RELN: variants seen among roughly 807,000 people sequenced by gnomAD.
The protein encoded by RELN is reelin.
Under a neutral mutation model 427.6 loss-of-function variants are expected in RELN, and 108 were observed. The observed-to-expected ratio is 0.25, with a 90% CI of 0.22 to 0.30. The LOEUF (loss-of-function observed/expected upper bound fraction) is 0.30. Among genes scored for constraint, RELN ranks in the 10% least tolerant of loss-of-function variants. The pLI, the probability that RELN is intolerant of heterozygous loss-of-function variation, is 1.00. For missense variants in RELN, 3,715 were observed against 4,302.8 expected, an observed-to-expected ratio of 0.86 and a Z score of 3.82; for synonymous variants, 1,524 against 1,513.4, an observed-to-expected ratio of 1.01 and a Z score of -0.16.
chr7:103,853,140 C>T (rs1028314434), intron 2 of RELN, among the ~76,000 whole-genome samples: 20 of 151,662 alleles, frequency 1.3e-4, no homozygotes, highest in Admixed American at 3.3e-4. Context: ...AAATAGATTG[C>T]GGGGAAAATA....
Position 103,911,555 on chromosome 7 carries a change from G to A in RELN, c.337+5520C>T, listed in dbSNP as rs1341702637. 9.5e-3 allele frequency among the ~76,000 whole-genome samples: 1,420 copies of A among 150,034 alleles called. 20 individuals carry two copies. Among genetic ancestry groups the A allele is most frequent in the African/African-American group, 0.032 (1,309 of 40,448 alleles). ...TGCTGCTATAAAGACACATGCACAC[G>A]TATGTTTATTGCGGCATTATTCACA... On this transcript the variant is annotated intron_variant, in intron 2 of 64. Coordinates refer to ENST00000428762, the MANE Select transcript of RELN (RefSeq NM_005045.4).
chr7:103,613,975 A>C (rs1163905637), intron 20 of RELN, among the ~76,000 whole-genome samples: 1 of 152,202 alleles, frequency 6.6e-6, no homozygotes, highest in Non-Finnish European at 1.5e-5. Flanking sequence ...TATTGCCTGC[A>C]CCTAATGTTT....
intron 2 of RELN, among the ~76,000 whole-genome samples, chr7:103,851,202 G>A (rs1451077030): frequency 6.6e-6 from 1 of 152,178 alleles, no homozygotes; most frequent in Non-Finnish European, 1.5e-5. Context: ...GGTGAGGTTG[G>A]AAACTATTAT....
At chr7:103,562,003 C>A (rs1230367484) in intron 34 of RELN, 50 bp from the exon 35 acceptor site, 3 of 1,579,420 alleles carry the variant, frequency 1.9e-6, no homozygotes, top group Admixed American at 3.6e-5. Flanking sequence ...GACAAGCAAC[C>A]TTGAAAGCAC....
intron 46 of RELN, among the ~76,000 whole-genome samples, chr7:103,527,360 G>A (rs969336869): frequency 5.6e-4 from 85 of 152,214 alleles, no homozygotes; most frequent in African/African-American, 2.0e-3. Context: ...CCATTCTACC[G>A]AAGACGACGA....
At chr7:103,599,863 C>T (rs748376176) in intron 24 of RELN, among the ~76,000 whole-genome samples, 5 of 151,964 alleles carry the variant, frequency 3.3e-5, no homozygotes, top group African/African-American at 4.8e-5. Context: ...TATTTGTGAT[C>T]GGATAGGGAA....
chr7:103,715,607 T>C (rs1789917484), intron 8 of RELN, among the ~76,000 whole-genome samples: 1 of 152,192 alleles, frequency 6.6e-6, no homozygotes. Flanking sequence ...GGATATAAAA[T>C]GAACAGCTGT....
intron 12 of RELN, among the ~76,000 whole-genome samples, chr7:103,660,998 G>A (rs182414336): frequency 6.6e-6 from 1 of 152,272 alleles, no homozygotes; most frequent in African/African-American, 2.4e-5. Flanking sequence ...ATGCAATGAT[G>A]AGATATTCAT....
intron 2 of RELN, among the ~76,000 whole-genome samples, chr7:103,899,303 G>T: frequency 6.6e-6 from 1 of 152,076 alleles, no homozygotes; most frequent in African/African-American, 2.4e-5. Context: ...ATAATTAATA[G>T]CCTACCAACC....
intron 57 of RELN, among the ~76,000 whole-genome samples, chr7:103,492,770 G>A (rs1323635479): frequency 1.3e-5 from 2 of 152,116 alleles, no homozygotes; most frequent in South Asian, 2.1e-4. Flanking sequence ...TTGATTCAGT[G>A]GATTAGAAAA....
rs74392297 is a variant in RELN, at chr7:103,569,044, G to T, written c.4589-2285C>A. Among the ~76,000 whole-genome samples, 1,011 of 152,302 alleles carry T rather than the reference G, an allele frequency of 6.6e-3. 13 individuals are homozygous for T. The highest frequency in any genetic ancestry group is 0.023 in the African/African-American group (955 of 41,570). ...TGAGTGTGGATAGTTTTAGTAACTT[G>T]CTTCTAATGAATAGAATATGGTGGA... On this transcript the variant is annotated intron_variant, in intron 31 of 64. Transcript: ENST00000428762. This position sits in a 1 kb window ranked among gnomAD's most constrained non-coding sequence, Gnocchi z 4.0.
chr7:103,856,814 ATTT>A (rs576074019), intron 2 of RELN, among the ~76,000 whole-genome samples: 1 of 151,862 alleles, frequency 6.6e-6, no homozygotes, highest in Non-Finnish European at 1.5e-5. Context: ...CTATTAGCAA[ATTT>A]TTTTATCATG....
At chr7:103,659,239 G>T (rs770525319) in intron 12 of RELN, among the ~76,000 whole-genome samples, 5 of 151,606 alleles carry the variant, frequency 3.3e-5, no homozygotes, top group African/African-American at 2.4e-5. Context: ...CTGATCTCTT[G>T]CCCTTTAATT....
intron 2 of RELN, among the ~76,000 whole-genome samples, chr7:103,909,722 A>T (rs1276828229): frequency 7.2e-5 from 2 of 27,868 alleles, no homozygotes; most frequent in Non-Finnish European, 1.3e-4. Flanking sequence ...ATATATATTA[A>T]ATATATTTTT....
At chr7:103,752,912 TGCAAAA>T (rs1271481617) in intron 5 of RELN, among the ~76,000 whole-genome samples, 1 of 152,122 alleles carries the variant, frequency 6.6e-6, no homozygotes, top group East Asian at 1.9e-4. Context: ...AGCATTAGAA[TGCAAAA>T]GCTTACACTC....
At chr7:103,851,679 G>A (rs1343767935) in intron 2 of RELN, among the ~76,000 whole-genome samples, 2 of 152,208 alleles carry the variant, frequency 1.3e-5, no homozygotes, top group African/African-American at 2.4e-5. Context: ...CCACTCTTCA[G>A]TCAACTTCCT....
intron 2 of RELN, among the ~76,000 whole-genome samples, chr7:103,907,754 C>G (rs1169778919): frequency 6.8e-6 from 1 of 146,096 alleles, no homozygotes; most frequent in Non-Finnish European, 1.5e-5. Context: ...GATATGATGT[C>G]AGAAAGCCTG....
chr7:103,653,834 C>G (rs1190335689), intron 13 of RELN, among the ~76,000 whole-genome samples: 1 of 152,092 alleles, frequency 6.6e-6, no homozygotes. Context: ...ACAAGAATAA[C>G]TGTCAGAGTA....
At chr7:103,883,846 G>C (rs1333579268) in intron 2 of RELN, among the ~76,000 whole-genome samples, 1 of 152,116 alleles carries the variant, frequency 6.6e-6, no homozygotes, top group Non-Finnish European at 1.5e-5. Flanking sequence ...TCGTGAAAAT[G>C]GCCATACTGC....
Sources: allele counts gnomAD v4.1 joint callset (sites outside exome capture counted in the v4.1 genomes callset), GRCh38; gene constraint gnomAD v4.1.1; non-coding constraint Gnocchi (gnomAD v3.1); transcripts MANE v1.5; gene names NCBI Gene and HGNC (gene_info 2026-07-23, HGNC 2026-07-21).